Variants in IMMP2L observed in about 807,000 individuals in gnomAD.
The protein encoded by IMMP2L is mitochondrial inner membrane protease subunit 2.
IMMP2L carries 18 observed loss-of-function variants against 19.3 expected under a neutral mutation model. The observed-to-expected ratio is 0.93, with a 90% CI of 0.64 to 1.38. The LOEUF is 1.38. Among genes scored for constraint, IMMP2L ranks in the 40% most tolerant of loss-of-function variants. IMMP2L has a pLI of 0.00. For synonymous variants in IMMP2L, 76 were observed against 73.0 expected, an observed-to-expected ratio of 1.04 and a Z score of -0.21; for missense variants, 233 against 218.2, an observed-to-expected ratio of 1.07 and a Z score of -0.43.
At chr7:111,011,117 T>A (rs575328500) in intron 3 of IMMP2L, among the ~76,000 whole-genome samples, 1 of 152,102 alleles carries the variant, frequency 6.6e-6, no homozygotes, top group East Asian at 1.9e-4. Context: ...AGAGATGTGA[T>A]AACAGGCAAT....
chr7:111,524,342 GA>G (rs1038938878), intron 1 of IMMP2L, among the ~76,000 whole-genome samples: 2 of 151,490 alleles, frequency 1.3e-5, no homozygotes, highest in South Asian at 2.1e-4. Flanking sequence ...ATGTACATAG[GA>G]AAAAAAATAG....
intron 3 of IMMP2L, among the ~76,000 whole-genome samples, chr7:111,142,525 T>C (rs1483805197): frequency 1.3e-5 from 2 of 152,062 alleles, no homozygotes; most frequent in African/African-American, 4.8e-5. Flanking sequence ...GTAGGGTTCA[T>C]TTTGATATTT....
At chr7:111,376,600 T>C (rs546582978) in intron 3 of IMMP2L, among the ~76,000 whole-genome samples, 35 of 152,210 alleles carry the variant, frequency 2.3e-4, no homozygotes, top group African/African-American at 8.4e-4. Context: ...TGCAAACAAA[T>C]GTTCATAAAA....
rs192131283 is a variant in IMMP2L at position 111,038,455 on chromosome 7, G to A, written c.240-74890C>T. On this transcript the variant is annotated intron_variant, in intron 3 of 5. Coordinates refer to ENST00000405709, the MANE Select transcript of IMMP2L (RefSeq NM_032549.4). ...TTGTCCTCTTTTCAAACCTGCTAAA[G>A]CCAACTAGGTTCAAAGACCCTGAAC... 3.1e-4 allele frequency among the ~76,000 whole-genome samples: 47 copies of A among 152,222 alleles called. No homozygotes were observed. The East Asian group carries it at 8.5e-3, about 28-fold the overall frequency.
At chr7:110,882,350 T>TTC (rs1809764854) in intron 5 of IMMP2L, among the ~76,000 whole-genome samples, 2 of 132,508 alleles carry the variant, frequency 1.5e-5, no homozygotes, top group Non-Finnish European at 3.2e-5. Context: ...CCCTCCTTCC[T>TTC]CTCTCCCTCT....
At chr7:111,279,507 C>T (rs1231285865) in intron 3 of IMMP2L, among the ~76,000 whole-genome samples, 1 of 152,128 alleles carries the variant, frequency 6.6e-6, no homozygotes, top group Non-Finnish European at 1.5e-5. Context: ...AAAGCTATTT[C>T]TACTAGCCAA....
At chr7:110,783,663 T>C (rs1050071382) in intron 5 of IMMP2L, among the ~76,000 whole-genome samples, 4 of 151,858 alleles carry the variant, frequency 2.6e-5, no homozygotes, top group African/African-American at 7.2e-5. Context: ...CTGTGAAAAA[T>C]TCAATATCAA....
intron 3 of IMMP2L, among the ~76,000 whole-genome samples, chr7:111,194,916 T>A (rs1809308877): frequency 6.6e-6 from 1 of 152,164 alleles, no homozygotes; most frequent in East Asian, 1.9e-4. Context: ...TATATACTTA[T>A]GCAAAAATAT....
At chr7:111,102,730 T>G (rs1798109173) in intron 3 of IMMP2L, among the ~76,000 whole-genome samples, 1 of 151,590 alleles carries the variant, frequency 6.6e-6, no homozygotes, top group African/African-American at 2.4e-5. Flanking sequence ...TTCGTGCTAT[T>G]CTATTAGAAA....
intron 3 of IMMP2L, among the ~76,000 whole-genome samples, chr7:111,449,008 G>C (rs1838840801): frequency 6.6e-6 from 1 of 151,050 alleles, no homozygotes; most frequent in Admixed American, 6.6e-5. Flanking sequence ...GACTAAACCA[G>C]GAAGAAGTTG....
At chr7:110,885,978 C>T (rs973523593) in intron 5 of IMMP2L, among the ~76,000 whole-genome samples, 2 of 151,982 alleles carry the variant, frequency 1.3e-5, no homozygotes, top group African/African-American at 4.8e-5. Context: ...TCTCTTTGTT[C>T]AATCTAACAT....
At chr7:111,522,108 C>T (rs530264410) in intron 1 of IMMP2L, among the ~76,000 whole-genome samples, 6 of 152,166 alleles carry the variant, frequency 3.9e-5, no homozygotes, top group Admixed American at 2.6e-4. Context: ...ACCATGGAGG[C>T]ACCATACTGT....
At chr7:110,875,200 G>A (rs799633) in intron 5 of IMMP2L, among the ~76,000 whole-genome samples, 3 of 152,010 alleles carry the variant, frequency 2.0e-5, no homozygotes, top group East Asian at 3.9e-4. Flanking sequence ...GATGAATGAC[G>A]TTTAAAATAG....
intron 3 of IMMP2L, among the ~76,000 whole-genome samples, chr7:111,214,327 TCTTC>T (rs1206553855): frequency 8.3e-6 from 1 of 120,768 alleles, no homozygotes; most frequent in Non-Finnish European, 1.8e-5. Flanking sequence ...AAGTAATTTT[TCTTC>T]TTTTTTTTTT....
At chr7:111,179,403 T>A (rs1807452647) in intron 3 of IMMP2L, among the ~76,000 whole-genome samples, 1 of 152,024 alleles carries the variant, frequency 6.6e-6, no homozygotes. Flanking sequence ...GCCTATCAGC[T>A]GTTGGTAGTG....
chr7:110,751,747 T>A (rs1219812267), intron 5 of IMMP2L, among the ~76,000 whole-genome samples: 1 of 152,038 alleles, frequency 6.6e-6, no homozygotes, highest in Non-Finnish European at 1.5e-5. Flanking sequence ...ACTTCTAAAT[T>A]AATGGCTTTC....
intron 5 of IMMP2L, among the ~76,000 whole-genome samples, chr7:110,723,269 T>C (rs1430271916): frequency 6.6e-6 from 1 of 152,094 alleles, no homozygotes; most frequent in African/African-American, 2.4e-5. Context: ...AACATTCCCC[T>C]CCAAGCAAAG....
intron 3 of IMMP2L, among the ~76,000 whole-genome samples, chr7:111,103,726 G>A (rs559997675): frequency 1.3e-5 from 2 of 151,658 alleles, no homozygotes; most frequent in South Asian, 2.1e-4. Flanking sequence ...TGTATGTGTC[G>A]GGTGCAGAAG....
chr7:111,383,032 CA>C (rs374675188), intron 3 of IMMP2L, among the ~76,000 whole-genome samples: 1 of 151,924 alleles, frequency 6.6e-6, no homozygotes, highest in African/African-American at 2.4e-5. Context: ...CTCTACTACA[CA>C]AAAAATAAAC....
Sources: allele counts gnomAD v4.1 joint callset (sites outside exome capture counted in the v4.1 genomes callset), GRCh38; gene constraint gnomAD v4.1.1; transcripts MANE v1.5; gene names NCBI Gene and HGNC (gene_info 2026-07-23, HGNC 2026-07-21).